Variants in PTGER3 observed in about 807,000 individuals in gnomAD.
The protein encoded by PTGER3 is prostaglandin E receptor 3.
PTGER3 carries 22 observed loss-of-function variants against 34.7 expected under a neutral mutation model. The observed-to-expected ratio is 0.63, with a 90% CI of 0.45 to 0.91. PTGER3 has a LOEUF of 0.91. PTGER3 is among the 40% of genes least tolerant of loss of function. The pLI, the probability that PTGER3 is intolerant of heterozygous loss-of-function variation, is 0.00. For synonymous variants in PTGER3, 241 were observed against 230.1 expected (o/e 1.05, Z -0.43); for missense variants, 468 against 519.4 (o/e 0.90, Z 0.96).
At chr1:71,029,257 T>C (rs906945150) in intron 1 of PTGER3, among the ~76,000 whole-genome samples, 1 of 152,192 alleles carries the variant, frequency 6.6e-6, no homozygotes, top group African/African-American at 2.4e-5. Flanking sequence ...GGAAGATTTA[T>C]TGAAAAACAA....
intron 4 of PTGER3, among the ~76,000 whole-genome samples, chr1:70,917,403 TTGTGTGTGTGTGTGTGTGTGTGTG>T (rs59163586): frequency 7.3e-6 from 1 of 136,276 alleles, no homozygotes; most frequent in Non-Finnish European, 1.6e-5. Flanking sequence ...GTATTTTATT[TTGTGTGTGTGTGTGTGTGTGTGTG>T]TGTGTGTGTG....
intron 2 of PTGER3, chr1:71,010,289 A>G (rs1169872767): frequency 1.0e-6 from 1 of 984,382 alleles, no homozygotes; most frequent in African/African-American, 1.7e-5. Context: ...AGATAAATTC[A>G]TATTTCTGTA....
intron 4 of PTGER3, among the ~76,000 whole-genome samples, chr1:70,923,247 G>A (rs1376704206): frequency 1.3e-5 from 2 of 150,858 alleles, no homozygotes; most frequent in Non-Finnish European, 2.9e-5. Flanking sequence ...ATGTGTTATT[G>A]GTATATGTTC....
chr1:71,008,967 T>C (rs570809408), intron 2 of PTGER3: 8 of 982,702 alleles, frequency 8.1e-6, no homozygotes, highest in East Asian at 1.1e-4. Context: ...ATAGATATTA[T>C]GCATGTCTAA....
chr1:71,012,556 G>T, intron 1 of PTGER3, 72 bp from the exon 2 acceptor site: 1 of 1,338,456 alleles, frequency 7.5e-7, no homozygotes, highest in Non-Finnish European at 1.0e-6. Flanking sequence ...ACTGTACTTT[G>T]CACATAGTTG....
At chr1:70,973,624 G>C (rs1311552316) in intron 3 of PTGER3, among the ~76,000 whole-genome samples, 1 of 152,104 alleles carries the variant, frequency 6.6e-6, no homozygotes, top group Non-Finnish European at 1.5e-5. Flanking sequence ...AAAATGAAGA[G>C]TTCAACTCAT....
At chr1:70,857,073 T>C (rs1342917430) in intron 4 of PTGER3, among the ~76,000 whole-genome samples, 1 of 152,230 alleles carries the variant, frequency 6.6e-6, no homozygotes, top group African/African-American at 2.4e-5. Context: ...TTGGAAAATA[T>C]TGTACTTTTA....
At chr1:70,871,407 C>T (rs909317576) in intron 4 of PTGER3, among the ~76,000 whole-genome samples, 1 of 152,174 alleles carries the variant, frequency 6.6e-6, no homozygotes, top group Non-Finnish European at 1.5e-5. Flanking sequence ...CTGGAGATTA[C>T]AATTCAACAT....
At chr1:70,860,420 G>A (rs1399060525) in intron 4 of PTGER3, among the ~76,000 whole-genome samples, 1 of 152,076 alleles carries the variant, frequency 6.6e-6, no homozygotes, top group Non-Finnish European at 1.5e-5. Flanking sequence ...GGCTACCTGA[G>A]CTGTCAGGAA....
intron 4 of PTGER3, among the ~76,000 whole-genome samples, chr1:70,893,420 A>G (rs1646661179): frequency 6.6e-6 from 1 of 152,204 alleles, no homozygotes; most frequent in Non-Finnish European, 1.5e-5. Flanking sequence ...AGACATCAGG[A>G]CAAGGCCAAT....
Position 71,047,606 on chromosome 1 carries a change from G to A in PTGER3, c.-29C>T, listed in dbSNP as rs5668. The A allele has an allele frequency of 0.046, 68,060 of 1,490,702 alleles. 1,769 individuals are homozygous for A. Among genetic ancestry groups the A allele is most frequent in the Non-Finnish European group, 0.05 (55,891 of 1,115,702 alleles). The allele number at this position is 1,490,702 out of a possible 1,614,324, so 92.3% of individuals were successfully genotyped here. On this transcript the variant is annotated 5_prime_UTR_variant, in exon 1 of 4. It adds an upstream start codon to the 5' untranslated region. Transcript: ENST00000306666. Reference sequence around the variant, plus strand: ...GGCTTCGAGGTGAGGAGGGGATGGCGTCCAGAGAGCCGCAGCGGGAGGGGG... The same window carrying A: ...GGCTTCGAGGTGAGGAGGGGATGGCATCCAGAGAGCCGCAGCGGGAGGGGG...
chr1:70,995,137 G>C (rs774829730), intron 2 of PTGER3, among the ~76,000 whole-genome samples: 1 of 152,140 alleles, frequency 6.6e-6, no homozygotes, highest in Non-Finnish European at 1.5e-5. Flanking sequence ...ACAACTCTTA[G>C]GGTAGGTGTC....
Position 71,047,063 on chromosome 1 carries a change from C to A in PTGER3, c.515G>T (p.Arg172Leu), listed in dbSNP as rs779470499. 2.5e-6 allele frequency: 4 copies of A among 1,611,762 alleles called. No individual in the cohort carries two copies. Among genetic ancestry groups the A allele is most frequent in the South Asian group, 1.1e-5 (1 of 90,976 alleles). ...GCCGAGCAGCACAGCGCGGGTGGCACGCGTCTTCATGTGGCTCGCATACCA... is the reference window on the plus strand; with the variant it reads ...GCCGAGCAGCACAGCGCGGGTGGCAAGCGTCTTCATGTGGCTCGCATACCA... The part of the protein sequence containing the change: ...PHWYASHMKT[R>L]ATRAVLLGVW... Residue 172 changes from arginine (R) to leucine (L), a missense_variant, in exon 1 of 4, where the codon CGT (arginine) becomes CTT (leucine). This residue lies in a region of PTGER3 where 204 missense variants were observed against 230.8 expected (regional missense o/e 0.88). Coordinates refer to ENST00000306666, the MANE Select transcript of PTGER3 (RefSeq NM_198719.2).
At chr1:70,907,222 G>A (rs1343462474) in intron 4 of PTGER3, among the ~76,000 whole-genome samples, 1 of 152,184 alleles carries the variant, frequency 6.6e-6, no homozygotes, top group Non-Finnish European at 1.5e-5. Context: ...GCATTTCAGG[G>A]TCCAAACTAG....
At chr1:70,938,088 C>G (rs563053521) in intron 4 of PTGER3, among the ~76,000 whole-genome samples, 1 of 152,242 alleles carries the variant, frequency 6.6e-6, no homozygotes, top group East Asian at 1.9e-4. Context: ...CTTTAAAGAA[C>G]AGAGTGTGTG....
At chr1:70,855,186 C>T (rs1164635086) in intron 4 of PTGER3, among the ~76,000 whole-genome samples, 1 of 151,910 alleles carries the variant, frequency 6.6e-6, no homozygotes, top group East Asian at 1.9e-4. Flanking sequence ...ATTGATGAAC[C>T]CTGAAGACAT....
At chr1:70,884,639 A>C (rs977761879) in intron 4 of PTGER3, among the ~76,000 whole-genome samples, 2 of 152,232 alleles carry the variant, frequency 1.3e-5, no homozygotes, top group East Asian at 3.9e-4. Flanking sequence ...ACCCAGATTC[A>C]TGCACAGAAA....
chr1:71,043,416 T>C (rs908511131), intron 1 of PTGER3, among the ~76,000 whole-genome samples: 1 of 152,210 alleles, frequency 6.6e-6, no homozygotes, highest in African/African-American at 2.4e-5. Flanking sequence ...TATTTAAGTA[T>C]TTATGTAGTG....
In PTGER3 at chr1:71,047,523, G is replaced by A. The variant is rs763906796; in HGVS notation, c.55C>T (p.His19Tyr). 3 of 1,591,108 alleles carry A rather than the reference G, an allele frequency of 1.9e-6. No homozygotes were observed. The change falls in exon 1 of 4, where the codon CAC becomes TAC. Residue 19 changes from histidine to tyrosine, a missense_variant. His to Tyr is a moderately conservative substitution (Grantham distance 83). Transcript: ENST00000306666. ...GDAPFCTRLN[H>Y]SYTGMWAPER... ...GGCGCCCACATGCCTGTGTAGGAGT[G>A]GTTGAGGCGGGTGCAGAAGGGGGCA...
Sources: allele counts gnomAD v4.1 joint callset (sites outside exome capture counted in the v4.1 genomes callset), GRCh38; gene constraint gnomAD v4.1.1; regional missense constraint gnomAD v4.1.1; transcripts MANE v1.5; gene names NCBI Gene and HGNC (gene_info 2026-07-23, HGNC 2026-07-21).